LGR5: variants seen among roughly 807,000 people sequenced by gnomAD.
The protein encoded by LGR5 is leucine-rich repeat-containing G protein-coupled receptor 5.
LGR5 carries 54 observed loss-of-function variants against 76.7 expected under a neutral mutation model. The observed-to-expected ratio is 0.70, with a 90% CI of 0.57 to 0.88. The LOEUF (loss-of-function observed/expected upper bound fraction) is 0.88, where lower values mean the gene tolerates loss of function less well. LGR5 is among the 40% of genes least tolerant of loss of function. The probability of loss-of-function intolerance (pLI) is 0.00; values close to 1 mark genes in which losing one functional copy is unlikely to be tolerated. For missense variants in LGR5, 1,078 were observed against 1,073.3 expected (o/e 1.00, Z -0.06); for synonymous variants, 406 against 421.9 (o/e 0.96, Z 0.46).
chr12:71,461,911 A>G (rs1411968171), intron 1 of LGR5, among the ~76,000 whole-genome samples: 2 of 152,122 alleles, frequency 1.3e-5, no homozygotes, highest in Non-Finnish European at 2.9e-5. Context: ...TAAATACTCC[A>G]AGAATCCAGC....
At chr12:71,544,858 T>C (rs1877072937) in intron 4 of LGR5, among the ~76,000 whole-genome samples, 1 of 152,240 alleles carries the variant, frequency 6.6e-6, no homozygotes, top group Admixed American at 6.5e-5. Flanking sequence ...TCTTAAAATT[T>C]ATAAATGAAC....
chr12:71,532,678 TC>T (rs1876380070), intron 3 of LGR5, among the ~76,000 whole-genome samples: 1 of 152,188 alleles, frequency 6.6e-6, no homozygotes, highest in South Asian at 2.1e-4. Context: ...ATGATATTAT[TC>T]CCATTATACA....
At chr12:71,546,317 A>AT (rs1555173455) in intron 4 of LGR5, among the ~76,000 whole-genome samples, 2 of 148,816 alleles carry the variant, frequency 1.3e-5, no homozygotes, top group African/African-American at 5.0e-5. Context: ...TCAGTCTCAA[A>AT]ATATATATAT....
intron 8 of LGR5, among the ~76,000 whole-genome samples, chr12:71,564,686 A>G (rs1410110575): frequency 6.7e-6 from 1 of 148,710 alleles, no homozygotes; most frequent in African/African-American, 2.5e-5. Context: ...ATATACATAT[A>G]TACATATATG....
intron 1 of LGR5, among the ~76,000 whole-genome samples, chr12:71,470,636 GT>G (rs914531614): frequency 6.6e-6 from 1 of 152,186 alleles, no homozygotes; most frequent in African/African-American, 2.4e-5. Flanking sequence ...AAAATAATGA[GT>G]TTGGGAAACA....
intron 3 of LGR5, among the ~76,000 whole-genome samples, chr12:71,525,645 T>A (rs1476034450): frequency 1.3e-5 from 2 of 151,864 alleles, no homozygotes; most frequent in Non-Finnish European, 2.9e-5. Flanking sequence ...GTATTTGGGA[T>A]ACTTGTGAAA....
chr12:71,523,169 A>T (rs1875808816), intron 2 of LGR5, among the ~76,000 whole-genome samples: 1 of 152,204 alleles, frequency 6.6e-6, no homozygotes, highest in Non-Finnish European at 1.5e-5. Context: ...TGGCAATGGG[A>T]CACACATTTA....
At chr12:71,481,834 G>T (rs1873619820) in intron 1 of LGR5, among the ~76,000 whole-genome samples, 1 of 151,972 alleles carries the variant, frequency 6.6e-6, no homozygotes, top group Non-Finnish European at 1.5e-5. Context: ...GTTGCCTGGG[G>T]GGTATTTTCT....
chr12:71,451,241 T>G (rs372062008), intron 1 of LGR5, among the ~76,000 whole-genome samples: 6 of 152,330 alleles, frequency 3.9e-5, no homozygotes, highest in Admixed American at 1.3e-4. Context: ...AGAGTTTGAA[T>G]AGTTAGCCAT....
chr12:71,553,312 C>A, intron 5 of LGR5, 24 bp downstream of exon 5: 1 of 1,585,952 alleles, frequency 6.3e-7, no homozygotes, highest in Non-Finnish European at 8.7e-7. Flanking sequence ...ATTTTGCTCT[C>A]TTTTAACAGT....
At chr12:71,546,316 A>AT (rs1458632982) in intron 4 of LGR5, among the ~76,000 whole-genome samples, 3 of 54,974 alleles carry the variant, frequency 5.5e-5, no homozygotes, top group Admixed American at 2.7e-4. Flanking sequence ...CTCAGTCTCA[A>AT]AATATATATA....
chr12:71,553,916 C>T (rs983254777), intron 5 of LGR5, among the ~76,000 whole-genome samples: 1 of 152,070 alleles, frequency 6.6e-6, no homozygotes, highest in African/African-American at 2.4e-5. Context: ...CATGGTGAAA[C>T]CCCACCTCTA....
chr12:71,500,539 G>T (rs1313755314), intron 1 of LGR5, among the ~76,000 whole-genome samples: 1 of 152,172 alleles, frequency 6.6e-6, no homozygotes, highest in Non-Finnish European at 1.5e-5. Context: ...CCAGGCTCAG[G>T]TGATCCTCCC....
At chr12:71,540,510 C>T (rs571144708) in intron 4 of LGR5, among the ~76,000 whole-genome samples, 13 of 152,312 alleles carry the variant, frequency 8.5e-5, no homozygotes, top group Non-Finnish European at 1.5e-4. Flanking sequence ...GCTGCCCATA[C>T]ATCTTATTAT....
At chr12:71,577,707 G>A (rs563847696) in intron 13 of LGR5, among the ~76,000 whole-genome samples, 4 of 152,188 alleles carry the variant, frequency 2.6e-5, no homozygotes, top group East Asian at 1.9e-4. Flanking sequence ...CCACCTGAAC[G>A]ATGTTTCCTT....
At chr12:71,566,066 C>A (rs1878325252) in intron 8 of LGR5, among the ~76,000 whole-genome samples, 1 of 152,148 alleles carries the variant, frequency 6.6e-6, no homozygotes, top group East Asian at 1.9e-4. Context: ...CTTTGAATTA[C>A]CTTTTTGCCA....
At position 71,571,557 on chromosome 12, in the gene LGR5, G is replaced by C; in HGVS notation, c.1114G>C (p.Val372Leu). Residue 372 changes from valine (V) to leucine (L), a missense_variant, in exon 12 of 18, where the codon GTC becomes CTC. Transcript: ENST00000266674. ...ATTAGAAGATTTACCCAGTTTTTCA[G>C]TCTGCCAAAAGCTTCAGAAAATGTA... The part of the protein sequence containing the change: ...NLLEDLPSFS[V>L]CQKLQKIDLR... The C allele has an allele frequency of 6.2e-7, 1 of 1,612,530 alleles. No individual in the cohort carries two copies. The highest frequency in any genetic ancestry group is 8.5e-7 in the Non-Finnish European group (1 of 1,178,984).
chr12:71,489,717 A>G (rs59671490), intron 1 of LGR5, among the ~76,000 whole-genome samples: 3,471 of 152,242 alleles, frequency 0.023, 134 homozygotes, highest in African/African-American at 0.079. Flanking sequence ...TTTTGTTTCA[A>G]TAACACTCCA....
At chr12:71,457,610 G>T (rs1194155963) in intron 1 of LGR5, among the ~76,000 whole-genome samples, 1 of 152,174 alleles carries the variant, frequency 6.6e-6, no homozygotes, top group East Asian at 1.9e-4. Context: ...TAAATCCAGG[G>T]ATTTACATAG....
Sources: allele counts gnomAD v4.1 joint callset (sites outside exome capture counted in the v4.1 genomes callset), GRCh38; gene constraint gnomAD v4.1.1; transcripts MANE v1.5; gene names NCBI Gene and HGNC (gene_info 2026-07-23, HGNC 2026-07-21).